ELMO1: variants seen among roughly 807,000 people sequenced by gnomAD.
ELMO1 encodes engulfment and cell motility protein 1.
A neutral mutation model predicts 98.9 loss-of-function variants in ELMO1; 26 were observed. The observed-to-expected ratio is 0.26, with a 90% CI of 0.19 to 0.36. ELMO1 has a LOEUF of 0.36. Ranked by LOEUF, ELMO1 falls within the 10% of genes least tolerant of loss-of-function variation. The pLI is 1.00. For synonymous variants in ELMO1, 346 were observed against 346.0 expected, an observed-to-expected ratio of 1.00 and a Z score of 0.00; for missense variants, 627 against 935.2, an observed-to-expected ratio of 0.67 and a Z score of 4.30.
At chr7:37,268,190 A>AT (rs1796361578) in intron 5 of ELMO1, among the ~76,000 whole-genome samples, 1 of 152,222 alleles carries the variant, frequency 6.6e-6, no homozygotes, top group Non-Finnish European at 1.5e-5. Flanking sequence ...TATTATGATC[A>AT]TGGCAGGTAG....
At chr7:37,154,781 G>A (rs1027470845) in intron 13 of ELMO1, among the ~76,000 whole-genome samples, 1 of 152,104 alleles carries the variant, frequency 6.6e-6, no homozygotes, top group Admixed American at 6.5e-5. Flanking sequence ...TAGCAAGGCA[G>A]GCCAACATTC....
At chr7:36,970,801 G>C (rs1381332954) in intron 16 of ELMO1, among the ~76,000 whole-genome samples, 1 of 152,204 alleles carries the variant, frequency 6.6e-6, no homozygotes, top group East Asian at 1.9e-4. Flanking sequence ...TGTCAGAGCT[G>C]GCCACTCAGT....
At chr7:37,270,661 C>G (rs1381713818) in intron 5 of ELMO1, 1 of 152,056 alleles carries the variant, frequency 6.6e-6, no homozygotes. Flanking sequence ...AAAGTATCTC[C>G]AAGCAAGTAG....
intron 1 of ELMO1, among the ~76,000 whole-genome samples, chr7:37,377,074 C>T (rs897938986): frequency 6.6e-6 from 1 of 152,210 alleles, no homozygotes; most frequent in Non-Finnish European, 1.5e-5. Context: ...TAAAGGAGCT[C>T]AGAACACTTA....
At chr7:36,890,325 G>C (rs1405728874) in intron 17 of ELMO1, among the ~76,000 whole-genome samples, 3 of 152,212 alleles carry the variant, frequency 2.0e-5, no homozygotes, top group Admixed American at 2.0e-4. Context: ...ATGCACAGAA[G>C]ACAGACAGCA....
chr7:36,997,157 G>A (rs984879794), intron 16 of ELMO1, among the ~76,000 whole-genome samples: 1 of 152,162 alleles, frequency 6.6e-6, no homozygotes, highest in Non-Finnish European at 1.5e-5. Flanking sequence ...AGAACAAACT[G>A]AGTCCATAAG....
At chr7:37,083,174 C>T (rs1783569492) in intron 15 of ELMO1, among the ~76,000 whole-genome samples, 1 of 152,178 alleles carries the variant, frequency 6.6e-6, no homozygotes, top group South Asian at 2.1e-4. Context: ...CTCTCTTAGG[C>T]ACTGTGAGTG....
Position 37,211,415 on chromosome 7 carries a change from T to G in ELMO1, c.1057A>C (p.Thr353Pro), listed in dbSNP as rs745689979. The G allele has an allele frequency of 9.9e-6, 16 of 1,613,972 alleles. No individual in the cohort carries two copies. The highest frequency in any genetic ancestry group is 1.3e-5 in the Non-Finnish European group (15 of 1,179,978). ...AACCCAAGCTTCTTATAATCTCGCG[T>G]GTACATGGACTTGCGTTTCTCCATG... ...GSMEKRKSMY[T>P]RDYKKLGFIN... Residue 353 changes from threonine (T) to proline (P), a missense_variant, in exon 13 of 22, where the codon ACG becomes CCG. Physicochemically the swap from Thr to Pro is conservative, Grantham distance 38. Around this residue, in one of 3 missense-constraint regions of ELMO1, gnomAD observed 492 missense variants for 715.6 expected, o/e 0.69. Transcript: ENST00000310758.
At chr7:37,407,756 T>G (rs536589214) in intron 1 of ELMO1, among the ~76,000 whole-genome samples, 7 of 152,180 alleles carry the variant, frequency 4.6e-5, no homozygotes, top group Admixed American at 3.3e-4. Flanking sequence ...TAAACGGCAT[T>G]ATGCATTCGT....
intron 13 of ELMO1, among the ~76,000 whole-genome samples, chr7:37,177,071 C>T (rs1351095913): frequency 6.6e-6 from 1 of 152,120 alleles, no homozygotes; most frequent in Admixed American, 6.5e-5. Context: ...GAAGAGTTTC[C>T]AGTGGAACTG....
At chr7:36,891,843 G>A (rs556872989) in intron 17 of ELMO1, among the ~76,000 whole-genome samples, 1 of 152,246 alleles carries the variant, frequency 6.6e-6, no homozygotes, top group Admixed American at 6.5e-5. Flanking sequence ...TACACATTTT[G>A]CTTCCCTGCT....
intron 2 of ELMO1, among the ~76,000 whole-genome samples, chr7:37,338,256 AC>A (rs1489041314): frequency 6.6e-6 from 1 of 152,206 alleles, no homozygotes; most frequent in Non-Finnish European, 1.5e-5. Context: ...TGAGCCTTTC[AC>A]AGAAAGCAGG....
chr7:37,437,990 A>G (rs1279095784), intron 1 of ELMO1, among the ~76,000 whole-genome samples: 3 of 10,700 alleles, frequency 2.8e-4, no homozygotes, highest in Admixed American at 1.2e-3. Context: ...AAAAAAAAAA[A>G]AAAAAAAAAA....
intron 15 of ELMO1, among the ~76,000 whole-genome samples, chr7:37,041,206 ACT>A (rs1322894183): frequency 6.6e-6 from 1 of 152,074 alleles, no homozygotes; most frequent in East Asian, 1.9e-4. Context: ...GGGAAAAACG[ACT>A]CTCGTGCTAC....
chr7:36,856,586 T>G (rs1388541470), intron 21 of ELMO1, among the ~76,000 whole-genome samples: 1 of 152,210 alleles, frequency 6.6e-6, no homozygotes, highest in Non-Finnish European at 1.5e-5. Flanking sequence ...CTATGATCTC[T>G]GTGAGGGAGA....
chr7:36,935,297 C>T (rs757585128), intron 16 of ELMO1, among the ~76,000 whole-genome samples: 2 of 152,164 alleles, frequency 1.3e-5, no homozygotes, highest in Non-Finnish European at 1.5e-5. Context: ...GAGGCCTCCC[C>T]AGCCATGTGG....
intron 16 of ELMO1, among the ~76,000 whole-genome samples, chr7:36,973,960 C>T (rs1790242092): frequency 6.6e-6 from 1 of 152,238 alleles, no homozygotes; most frequent in African/African-American, 2.4e-5. Context: ...CTCACTGGGC[C>T]TTAGCTGCCT....
intron 9 of ELMO1, among the ~76,000 whole-genome samples, chr7:37,223,659 T>G: frequency 6.6e-6 from 1 of 152,156 alleles, no homozygotes; most frequent in East Asian, 1.9e-4. Context: ...TTAATACAGT[T>G]CACATTCAAA....
intron 13 of ELMO1, among the ~76,000 whole-genome samples, chr7:37,177,062 AAG>A (rs1790536440): frequency 6.6e-6 from 1 of 152,342 alleles, no homozygotes; most frequent in East Asian, 1.9e-4. Flanking sequence ...AGGTGGGAAG[AAG>A]AGTTTCCAGT....
Sources: allele counts gnomAD v4.1 joint callset (sites outside exome capture counted in the v4.1 genomes callset), GRCh38; gene constraint gnomAD v4.1.1; regional missense constraint gnomAD v4.1.1; transcripts MANE v1.5; gene names NCBI Gene and HGNC (gene_info 2026-07-23, HGNC 2026-07-21).